RASA2: variants seen among roughly 807,000 people sequenced by gnomAD.
The protein encoded by RASA2 is RAS p21 protein activator 2, also known as ras GTPase-activating protein 2.
A neutral mutation model predicts 118.2 loss-of-function variants in RASA2; 155 were observed. The ratio of observed to expected loss-of-function variants is 1.31; its 90% CI spans 1.15 to 1.50. RASA2 has a LOEUF of 1.50. Ranked by LOEUF, RASA2 falls within the 40% of genes most tolerant of loss-of-function variation. The probability of loss-of-function intolerance (pLI) is 0.00; values close to 1 mark genes in which losing one functional copy is unlikely to be tolerated. For synonymous variants in RASA2, 353 were observed against 349.1 expected, an observed-to-expected ratio of 1.01 and a Z score of -0.12; for missense variants, 1,016 against 1,009.6, an observed-to-expected ratio of 1.01 and a Z score of -0.09.
intron 1 of RASA2, among the ~76,000 whole-genome samples, chr3:141,504,297 T>G (rs1431578468): frequency 6.6e-6 from 1 of 152,192 alleles, no homozygotes; most frequent in Non-Finnish European, 1.5e-5. Flanking sequence ...TTACTGATGA[T>G]TCTCAAATTT....
rs539749060 is a variant in RASA2, at chr3:141,574,251, G to A, written c.1483+184G>A. ...GTCACCCTGGCTGGAGTGCAGTGGC[G>A]CTATCTTGGCTCACTGCAACCTCCA... On this transcript the variant is annotated intron_variant, in intron 14 of 23. Transcript: ENST00000286364. Among the ~76,000 whole-genome samples the A allele has an allele frequency of 1.9e-3, 283 of 151,718 alleles. 1 individual carries two copies. Among genetic ancestry groups the A allele is most frequent in the African/African-American group, 6.5e-3 (269 of 41,344 alleles).
At chr3:141,533,900 A>T (rs1560013984) in intron 4 of RASA2, among the ~76,000 whole-genome samples, 1 of 152,176 alleles carries the variant, frequency 6.6e-6, no homozygotes, top group Non-Finnish European at 1.5e-5. Context: ...CATTGTGTCA[A>T]TAAGTCTAGT....
chr3:141,494,891 T>C (rs1223609134), intron 1 of RASA2, among the ~76,000 whole-genome samples: 1 of 152,234 alleles, frequency 6.6e-6, no homozygotes, highest in Non-Finnish European at 1.5e-5. Flanking sequence ...AAAATCTGTA[T>C]ACTTTGGCTG....
At chr3:141,511,042 C>G in intron 1 of RASA2, among the ~76,000 whole-genome samples, 1 of 152,090 alleles carries the variant, frequency 6.6e-6, no homozygotes, top group East Asian at 1.9e-4. Flanking sequence ...GTGGCTTGGA[C>G]TCGGTGATTC....
intron 3 of RASA2, among the ~76,000 whole-genome samples, chr3:141,517,652 A>G (rs1056298770): frequency 6.6e-6 from 1 of 151,958 alleles, no homozygotes. Flanking sequence ...TGACCAATAA[A>G]TATATTTCTC....
At chr3:141,561,734 CA>C (rs2082732414) in intron 9 of RASA2, among the ~76,000 whole-genome samples, 1 of 152,174 alleles carries the variant, frequency 6.6e-6, no homozygotes, top group Non-Finnish European at 1.5e-5. Flanking sequence ...AGAGAGTAAT[CA>C]TCAGTAATTT....
rs1020258505 is a variant in RASA2, at chr3:141,612,490, A to G, written c.*177A>G. 1.3e-5 allele frequency: 7 copies of G among 531,940 alleles called. No homozygotes were observed. Among genetic ancestry groups the G allele is most frequent in the African/African-American group, 1.2e-4 (6 of 50,432 alleles). 33.0% of individuals were successfully genotyped at this position (531,940 alleles called of 1,614,324 possible). ...TAATTGTTTGGGAATCCTGGTATTG[A>G]TGTATTACTAGAGAATTTAAAGCCC... On this transcript the variant is annotated 3_prime_UTR_variant, in exon 24 of 24. Coordinates refer to ENST00000286364, the MANE Select transcript of RASA2 (RefSeq NM_006506.5).
intron 3 of RASA2, among the ~76,000 whole-genome samples, chr3:141,518,578 A>C (rs2082066099): frequency 6.7e-6 from 1 of 148,158 alleles, no homozygotes; most frequent in Non-Finnish European, 1.5e-5. Flanking sequence ...TTGATATTGA[A>C]CTCCTTAACA....
intron 2 of RASA2, among the ~76,000 whole-genome samples, chr3:141,513,591 A>G (rs1267134971): frequency 1.3e-5 from 2 of 152,172 alleles, no homozygotes; most frequent in African/African-American, 4.8e-5. Flanking sequence ...ATTGATTTCT[A>G]TGTTGAAATT....
Position 141,586,010 on chromosome 3 carries a change from C to T in RASA2, c.1753-15C>T, listed in dbSNP as rs777588786. ...CTTATCACACAGTGTAATATTTGCCCATTTCCCCATTTAGTTCTTGGATGA... is the reference window on the plus strand; with the variant it reads ...CTTATCACACAGTGTAATATTTGCCTATTTCCCCATTTAGTTCTTGGATGA... On this transcript the variant is annotated splice_polypyrimidine_tract_variant and intron_variant, in intron 17 of 23. Transcript: ENST00000286364. The T allele has an allele frequency of 1.1e-5, 17 of 1,593,552 alleles. No homozygotes were observed. Among genetic ancestry groups the T allele is most frequent in the Non-Finnish European group, 1.5e-5 (17 of 1,162,440 alleles).
intron 1 of RASA2, among the ~76,000 whole-genome samples, chr3:141,494,030 T>C (rs1170730729): frequency 6.6e-6 from 1 of 152,236 alleles, no homozygotes; most frequent in African/African-American, 2.4e-5. Context: ...AACTGCATAA[T>C]ATTTCATCAT....
chr3:141,606,395 T>C (rs1189196915), intron 19 of RASA2, among the ~76,000 whole-genome samples: 1 of 152,218 alleles, frequency 6.6e-6, no homozygotes, highest in East Asian at 1.9e-4. Context: ...AGCCACCCAA[T>C]TTAAAGTAAT....
In RASA2 at chr3:141,512,236, C is replaced by T; in HGVS notation, c.207C>T (p.Asp69=). ...MRDCFCTINL[D]QEEVYRTQVV... is the part of the protein sequence containing the mutation. ...ATTGTTTCTGTACCATAAATTTGGA[C>T]CAGGAAGAAGTTTATCGTACCCAAG... Residue 69 remains aspartate, a synonymous_variant, in exon 2 of 24, where the codon GAC becomes GAT. Coordinates refer to ENST00000286364, the MANE Select transcript of RASA2 (RefSeq NM_006506.5). 1 of 1,593,700 alleles carries T rather than the reference C, an allele frequency of 6.3e-7. No individual in the cohort carries two copies. Among genetic ancestry groups the T allele is most frequent in the Non-Finnish European group, 8.5e-7 (1 of 1,174,772 alleles).
intron 4 of RASA2, among the ~76,000 whole-genome samples, chr3:141,539,079 A>ATT (rs1485446068): frequency 6.6e-6 from 1 of 152,220 alleles, no homozygotes; most frequent in Non-Finnish European, 1.5e-5. Flanking sequence ...TAGCCAAGTA[A>ATT]TACATACATG....
At position 141,559,911 on chromosome 3, in the gene RASA2, A is replaced by C. The variant is rs1184308725; in HGVS notation, c.779A>C (p.Asn260Thr). ...KLEIRIDLWN[N>T]GNLVQDVFLG... ...ATTTTCAGGATCGACTTGTGGAACA[A>C]TGGAAACCTAGTCCAAGATGTTTTC... The change falls in exon 9 of 24, where the codon AAT (asparagine) becomes ACT (threonine). Residue 260 changes from asparagine (N) to threonine (T), a missense_variant. Around this residue, in one of 2 missense-constraint regions of RASA2, gnomAD observed 896 missense variants for 836.4 expected, o/e 1.07. Transcript: ENST00000286364. 6.2e-7 allele frequency: 1 copy of C among 1,613,066 alleles called. No homozygotes were observed. Among genetic ancestry groups the C allele is most frequent in the Non-Finnish European group, 8.5e-7 (1 of 1,179,350 alleles).
At position 141,589,283 on chromosome 3, in the gene RASA2, A is replaced by G. The variant is rs368469488; in HGVS notation, c.1933+2531A>G. ...AGTACATTTAAATAAAAGTTAAGGT[A>G]AATTAGTCATTCTCTGTGAATAAAT... On this transcript the variant is annotated intron_variant, in intron 19 of 23. Transcript: ENST00000286364. Among the ~76,000 whole-genome samples the G allele has an allele frequency of 3.9e-5, 6 of 152,360 alleles. No homozygotes were observed. The East Asian group carries it at 1.2e-3, about 29-fold the overall frequency.
chr3:141,553,271 G>A (rs2082600313), intron 5 of RASA2, among the ~76,000 whole-genome samples: 1 of 152,138 alleles, frequency 6.6e-6, no homozygotes, highest in Admixed American at 6.5e-5. Context: ...TTTAGGGTTT[G>A]CACCACTTTC....
chr3:141,577,406 C>T (rs1013026321), intron 15 of RASA2, among the ~76,000 whole-genome samples: 5 of 151,756 alleles, frequency 3.3e-5, no homozygotes, highest in Non-Finnish European at 7.4e-5. Context: ...TTGTAAATTT[C>T]CATAAGTTTT....
rs113547231 is a variant in RASA2 at position 141,605,580 on chromosome 3, A to G, written c.1934-2098A>G. Among the ~76,000 whole-genome samples, 224 of 152,326 alleles carry G rather than the reference A, an allele frequency of 1.5e-3. 4 individuals carry two copies. Among genetic ancestry groups the G allele is most frequent in the African/African-American group, 5.2e-3 (215 of 41,572 alleles). On this transcript the variant is annotated intron_variant, in intron 19 of 23. Transcript: ENST00000286364. Reference sequence around the variant, plus strand: ...TTGTGTATTCAACAAATCTAAAGATAGAAACTCCTTGAAAAATTTTAAAAT... The same window carrying G: ...TTGTGTATTCAACAAATCTAAAGATGGAAACTCCTTGAAAAATTTTAAAAT...
Sources: allele counts gnomAD v4.1 joint callset (sites outside exome capture counted in the v4.1 genomes callset), GRCh38; gene constraint gnomAD v4.1.1; regional missense constraint gnomAD v4.1.1; transcripts MANE v1.5; gene names NCBI Gene and HGNC (gene_info 2026-07-23, HGNC 2026-07-21).